The following ANXA10 variants were observed in gnomAD, a reference collection of about 807,000 sequenced individuals.
ANXA10 encodes annexin A10.
Under a neutral mutation model 53.5 loss-of-function variants are expected in ANXA10, and 49 were observed. That is an observed-to-expected ratio of 0.92 (90% confidence interval 0.73 to 1.16). The LOEUF (loss-of-function observed/expected upper bound fraction) is 1.16. Among genes scored for constraint, ANXA10 ranks in the 50% most tolerant of loss-of-function variants. The pLI, the probability that ANXA10 is intolerant of heterozygous loss-of-function variation, is 0.00. For synonymous variants in ANXA10, 131 were observed against 128.9 expected, an observed-to-expected ratio of 1.02 and a Z score of -0.11; for missense variants, 393 against 394.4, an observed-to-expected ratio of 1.00 and a Z score of 0.03.
At chr4:168,103,874 T>A (rs1409393148) in intron 1 of ANXA10, among the ~76,000 whole-genome samples, 1 of 151,970 alleles carries the variant, frequency 6.6e-6, no homozygotes, top group Non-Finnish European at 1.5e-5. Flanking sequence ...GTATAATGCT[T>A]ATTTCTTTTA....
At chr4:168,155,434 T>C (rs1423099033) in intron 3 of ANXA10, among the ~76,000 whole-genome samples, 2 of 75,700 alleles carry the variant, frequency 2.6e-5, no homozygotes, top group Non-Finnish European at 4.8e-5. Context: ...TATATAATTA[T>C]ATATAATTAT....
intron 3 of ANXA10, among the ~76,000 whole-genome samples, chr4:168,157,075 A>G (rs1196677097): frequency 2.7e-5 from 4 of 147,824 alleles, no homozygotes; most frequent in Non-Finnish European, 4.5e-5. Flanking sequence ...ACTTGAAACC[A>G]GTGATCTAGT....
chr4:168,172,080 A>G (rs144716256), intron 6 of ANXA10, among the ~76,000 whole-genome samples: 177 of 152,294 alleles, frequency 1.2e-3, no homozygotes, highest in African/African-American at 4.0e-3. Context: ...TCCCATGTTT[A>G]TCATGCCCTT....
At chr4:168,169,564 C>A (rs1041767666) in intron 6 of ANXA10, among the ~76,000 whole-genome samples, 1 of 152,170 alleles carries the variant, frequency 6.6e-6, no homozygotes, top group East Asian at 1.9e-4. Context: ...TGCCGATCTC[C>A]GTCTCAAAGT....
intron 8 of ANXA10, chr4:168,178,306 T>A (rs1732172801): frequency 6.7e-6 from 2 of 300,632 alleles, no homozygotes; most frequent in Non-Finnish European, 1.3e-5. Context: ...AAATGCATAG[T>A]AAATATAGTT....
At chr4:168,101,213 G>C (rs1031660479) in intron 1 of ANXA10, among the ~76,000 whole-genome samples, 28 of 151,926 alleles carry the variant, frequency 1.8e-4, no homozygotes, top group Admixed American at 1.4e-3. Context: ...TCCTTCACTG[G>C]CTGTATGATG....
intron 10 of ANXA10, among the ~76,000 whole-genome samples, chr4:168,182,748 T>C (rs767925589): frequency 5.4e-4 from 81 of 149,620 alleles, no homozygotes; most frequent in Admixed American, 1.1e-3. Flanking sequence ...CAGTGGCTCA[T>C]GCCTGTAATC....
At chr4:168,101,102 G>A (rs11941605) in intron 1 of ANXA10, among the ~76,000 whole-genome samples, 9,877 of 151,978 alleles carry the variant, frequency 0.065, 1,088 homozygotes, top group African/African-American at 0.23. Context: ...TCTCATGAAT[G>A]GTTTAGTACT....
Position 168,155,380 on chromosome 4 carries a change from A to G in ANXA10, c.196-7148A>G, listed in dbSNP as rs867908345. On this transcript the variant is annotated intron_variant, in intron 3 of 11. Coordinates refer to ENST00000359299, the MANE Select transcript of ANXA10 (RefSeq NM_007193.5). ...TATTATATAATGTATTATATATTAT[A>G]TTGAATGTATTATATATTATATATT... 4.1e-3 allele frequency among the ~76,000 whole-genome samples: 340 copies of G among 83,414 alleles called. 9 individuals carry two copies. Among genetic ancestry groups the G allele is most frequent in the African/African-American group, 0.018 (330 of 18,756 alleles). 54.7% of individuals were successfully genotyped at this position (83,414 alleles called of 152,430 possible).
chr4:168,109,780 A>G (rs1237332064), intron 1 of ANXA10, among the ~76,000 whole-genome samples: 1 of 152,220 alleles, frequency 6.6e-6, no homozygotes, highest in Non-Finnish European at 1.5e-5. Flanking sequence ...TATACATTCA[A>G]TGTCTTTATA....
chr4:168,098,658 T>C (rs1362546639), intron 1 of ANXA10, among the ~76,000 whole-genome samples: 1 of 152,104 alleles, frequency 6.6e-6, no homozygotes, highest in Non-Finnish European at 1.5e-5. Flanking sequence ...AAAGGCAGAG[T>C]AAAACTTGCT....
At chr4:168,093,433 T>C (rs1266895487) in intron 1 of ANXA10, among the ~76,000 whole-genome samples, 1 of 152,202 alleles carries the variant, frequency 6.6e-6, no homozygotes. Context: ...ATGCTTTATA[T>C]GAAAAGGTCT....
chr4:168,153,915 T>C (rs1037775451), intron 3 of ANXA10, among the ~76,000 whole-genome samples: 1 of 152,106 alleles, frequency 6.6e-6, no homozygotes, highest in Non-Finnish European at 1.5e-5. Flanking sequence ...ATATTGTTTA[T>C]TTTCCTGAAA....
chr4:168,097,200 TCTC>T (rs1290916425), intron 1 of ANXA10, among the ~76,000 whole-genome samples: 4 of 152,010 alleles, frequency 2.6e-5, no homozygotes, highest in African/African-American at 7.2e-5. Context: ...ATACATTTCT[TCTC>T]CTTCAATTCT....
chr4:168,101,373 T>A (rs932101682), intron 1 of ANXA10, among the ~76,000 whole-genome samples: 1 of 151,910 alleles, frequency 6.6e-6, no homozygotes, highest in African/African-American at 2.4e-5. Context: ...GCCTCAGATA[T>A]TTCTTTATAG....
At chr4:168,127,970 C>A (rs1731099269) in intron 1 of ANXA10, 114 bp from the exon 2 acceptor site, 6 of 884,740 alleles carry the variant, frequency 6.8e-6, no homozygotes, top group South Asian at 3.1e-5. Context: ...GTGATCCACC[C>A]ACCTCTGCCT....
intron 1 of ANXA10, among the ~76,000 whole-genome samples, chr4:168,114,189 ATTACCTACATTTGT>A (rs1284802035): frequency 6.6e-6 from 1 of 152,110 alleles, no homozygotes; most frequent in Non-Finnish European, 1.5e-5. Context: ...TGATTCTTTC[ATTACCTACATTTGT>A]TTATGTTTTA....
chr4:168,128,183 T>C lies in ANXA10; in HGVS notation c.100+18T>C, dbSNP rs909902830. 1.9e-6 allele frequency: 3 copies of C among 1,593,670 alleles called. No individual in the cohort carries two copies. The highest frequency in any genetic ancestry group is 2.7e-5 in the African/African-American group (2 of 74,440). On this transcript the variant is annotated intron_variant, in intron 2 of 11. Coordinates refer to ENST00000359299, the MANE Select transcript of ANXA10 (RefSeq NM_007193.5). ...AGGATTTGGTAAGTCTGATTATTTC[T>C]ACCATCTTTTATTGTGATTATTTTT... is the stretch of plus-strand genomic sequence containing the variant.
chr4:168,125,703 AT>A (rs1339782817), intron 1 of ANXA10, among the ~76,000 whole-genome samples: 1 of 152,206 alleles, frequency 6.6e-6, no homozygotes, highest in Non-Finnish European at 1.5e-5. Context: ...AGTCTCAGGC[AT>A]TAATAAATTT....
Sources: gnomAD v4.1 joint callset for allele counts (sites outside exome capture counted in the v4.1 genomes callset) on GRCh38, gnomAD v4.1.1 for gene constraint, MANE v1.5 for transcripts, NCBI Gene and HGNC (gene_info 2026-07-23, HGNC 2026-07-21) for gene names.